Variants in TMEFF2 observed in about 807,000 individuals in gnomAD.
The protein encoded by TMEFF2 is transmembrane protein with EGF like and two follistatin like domains 2.
In TMEFF2, 28 loss-of-function variants were observed where a neutral mutation model predicts 53.8. The ratio of observed to expected loss-of-function variants is 0.52; its 90% CI spans 0.39 to 0.71. TMEFF2 has a LOEUF of 0.71. Ranked by LOEUF, TMEFF2 falls within the 30% of genes least tolerant of loss-of-function variation. TMEFF2 has a pLI of 0.00. For synonymous variants in TMEFF2, 162 were observed against 166.3 expected, an observed-to-expected ratio of 0.97 and a Z score of 0.20; for missense variants, 353 against 455.2, an observed-to-expected ratio of 0.78 and a Z score of 2.04.
At chr2:192,039,205 T>C (rs1004188560) in intron 5 of TMEFF2, among the ~76,000 whole-genome samples, 1 of 152,162 alleles carries the variant, frequency 6.6e-6, no homozygotes, top group African/African-American at 2.4e-5. Context: ...ACAAGTCCTA[T>C]TGTGAGGATT....
chr2:191,963,143 C>G (rs978414568), intron 7 of TMEFF2, among the ~76,000 whole-genome samples: 7 of 152,240 alleles, frequency 4.6e-5, no homozygotes, highest in Admixed American at 3.3e-4. Context: ...CAATTTGTTG[C>G]AGCTCTCCCC....
chr2:192,184,344 A>G lies in TMEFF2; in HGVS notation c.412+10T>C. 6.2e-7 allele frequency: 1 copy of G among 1,612,624 alleles called. No homozygotes were observed. Among genetic ancestry groups the G allele is most frequent in the African/African-American group, 1.3e-5 (1 of 74,932 alleles). On this transcript the variant is annotated intron_variant, in intron 3 of 9. Coordinates refer to ENST00000272771, the MANE Select transcript of TMEFF2 (RefSeq NM_016192.4). ...CATGCAGAAGGTTTCAAAGAAGATC[A>G]CACACATACCTGTGGCACATGATCC... is the stretch of plus-strand genomic sequence containing the variant.
intron 4 of TMEFF2, among the ~76,000 whole-genome samples, chr2:192,072,739 CG>C (rs747288168): frequency 2.0e-5 from 3 of 151,946 alleles, no homozygotes. Flanking sequence ...ACCATTCTTA[CG>C]GGATTATATG....
In TMEFF2 at chr2:192,037,269, AAAATAAAGAAAG is replaced by A. The variant is rs1278930224; in HGVS notation, c.536+20398_536+20409del. The A allele has an allele frequency of 7.5e-3, 542 of 72,582 alleles. 10 individuals are homozygous for A. Among genetic ancestry groups the A allele is most frequent in the African/African-American group, 0.025 (483 of 19,488 alleles). 4.5% of individuals were successfully genotyped at this position (72,582 alleles called of 1,614,324 possible). A position where few individuals can be genotyped will look rare whatever the true frequency, so the allele number is the denominator to read the frequency against. On this transcript the variant is annotated intron_variant, in intron 5 of 9. Coordinates refer to ENST00000272771, the MANE Select transcript of TMEFF2 (RefSeq NM_016192.4). ...GCAGAATGCACTTCTAAGACTAGCC[AAAATAAAGAAAG>A]AAAGAAAGAAAGAAAGAAAGAAAGA...
chr2:192,024,835 C>CTGGA (rs1686934633), intron 5 of TMEFF2, among the ~76,000 whole-genome samples: 1 of 152,172 alleles, frequency 6.6e-6, no homozygotes, highest in African/African-American at 2.4e-5. Flanking sequence ...TCAACATAGA[C>CTGGA]TGGACTATGA....
At chr2:192,127,955 G>A (rs1689718009) in intron 4 of TMEFF2, among the ~76,000 whole-genome samples, 1 of 152,152 alleles carries the variant, frequency 6.6e-6, no homozygotes, top group African/African-American at 2.4e-5. Context: ...TTTGAGATAT[G>A]TAGTTCTGGG....
At position 192,075,314 on chromosome 2, in the gene TMEFF2, T is replaced by TATATAAATATAAATATATATATATATAA. The variant is rs1688400441; in HGVS notation, c.440-17540_440-17539insTTATATATATATATATTTATATTTATAT. Among the ~76,000 whole-genome samples the TATATAAATATAAATATATATATATATAA allele has an allele frequency of 5.0e-5, 4 of 79,872 alleles. 1 individual carries two copies. The highest frequency in any genetic ancestry group is 1.8e-4 in the African/African-American group (4 of 22,128). The allele number at this position is 79,872 out of a possible 152,430, so 52.4% of individuals were successfully genotyped here. On this transcript the variant is annotated intron_variant, in intron 4 of 9. Coordinates refer to ENST00000272771, the MANE Select transcript of TMEFF2 (RefSeq NM_016192.4). The stretch of plus-strand genomic sequence containing the variant: ...ATATATATATATATATATATATATA[T>TATATAAATATAAATATATATATATATAA]ATATATATATATATATATACATACA...
At chr2:192,107,672 T>A (rs978231856) in intron 4 of TMEFF2, among the ~76,000 whole-genome samples, 2 of 151,772 alleles carry the variant, frequency 1.3e-5, no homozygotes, top group African/African-American at 4.8e-5. Flanking sequence ...TCACAAGATA[T>A]TCTTCCTATG....
intron 4 of TMEFF2, among the ~76,000 whole-genome samples, chr2:192,169,052 T>C (rs1690842271): frequency 1.3e-5 from 2 of 152,070 alleles, no homozygotes; most frequent in African/African-American, 4.8e-5. Context: ...ATTAATGCAT[T>C]GGTTCAGCTG....
rs564609223 is a variant in TMEFF2, at chr2:192,120,616, C to T, written c.439+59052G>A. 2.6e-5 allele frequency among the ~76,000 whole-genome samples: 4 copies of T among 152,280 alleles called. No individual in the cohort carries two copies. The South Asian group carries it at 6.2e-4, about 24-fold the overall frequency. On this transcript the variant is annotated intron_variant, in intron 4 of 9. Transcript: ENST00000272771. ...TTGGAAATTGATAACGCCAATAAAA[C>T]TCTCCTTTCTACCAATTTACCATCC...
chr2:192,169,308 G>A (rs1238255099), intron 4 of TMEFF2, among the ~76,000 whole-genome samples: 1 of 152,052 alleles, frequency 6.6e-6, no homozygotes, highest in Non-Finnish European at 1.5e-5. Flanking sequence ...ACATGGGAAG[G>A]GTTTTGGATA....
intron 5 of TMEFF2, chr2:192,021,870 C>T (rs1686868348): frequency 6.6e-6 from 1 of 152,190 alleles, no homozygotes; most frequent in Non-Finnish European, 1.5e-5. Context: ...GTCCTTAGCT[C>T]ATAGCTTAGT....
At chr2:192,193,795 G>C (rs1691529504) in intron 1 of TMEFF2, among the ~76,000 whole-genome samples, 1 of 129,180 alleles carries the variant, frequency 7.7e-6, no homozygotes, top group African/African-American at 2.8e-5. Context: ...GAGAGAGAGA[G>C]AGAGAGAGAG....
At chr2:192,097,085 T>C (rs1161895046) in intron 4 of TMEFF2, among the ~76,000 whole-genome samples, 3 of 152,226 alleles carry the variant, frequency 2.0e-5, no homozygotes, top group Admixed American at 6.5e-5. Flanking sequence ...ACAGCAGTTA[T>C]AGGTACACAC....
chr2:192,185,253 C>T (rs1164858563), intron 2 of TMEFF2, among the ~76,000 whole-genome samples: 1 of 151,946 alleles, frequency 6.6e-6, no homozygotes, highest in Non-Finnish European at 1.5e-5. Flanking sequence ...ATTAAGGCAA[C>T]CAACAGGGTA....
At chr2:191,961,942 T>C (rs936113768) in intron 7 of TMEFF2, among the ~76,000 whole-genome samples, 2 of 152,176 alleles carry the variant, frequency 1.3e-5, no homozygotes, top group Non-Finnish European at 2.9e-5. Flanking sequence ...TTTTTAAAGC[T>C]TCTGGGACAC....
At chr2:192,054,565 T>C (rs1687856120) in intron 5 of TMEFF2, among the ~76,000 whole-genome samples, 1 of 152,124 alleles carries the variant, frequency 6.6e-6, no homozygotes, top group Non-Finnish European at 1.5e-5. Flanking sequence ...TTTGCAAGAA[T>C]ACCAGGATTA....
At chr2:192,076,425 GAA>G (rs1688433953) in intron 4 of TMEFF2, among the ~76,000 whole-genome samples, 1 of 152,036 alleles carries the variant, frequency 6.6e-6, no homozygotes, top group South Asian at 2.1e-4. Flanking sequence ...TGCCATGAGA[GAA>G]TCGAAGTAAA....
chr2:192,125,104 T>A (rs139328039), intron 4 of TMEFF2, among the ~76,000 whole-genome samples: 6 of 152,174 alleles, frequency 3.9e-5, no homozygotes, highest in African/African-American at 1.4e-4. Flanking sequence ...ACAACAACAC[T>A]TGTATGAAAT....
Sources: gnomAD v4.1 joint callset for allele counts (sites outside exome capture counted in the v4.1 genomes callset) on GRCh38, gnomAD v4.1.1 for gene constraint, MANE v1.5 for transcripts, NCBI Gene and HGNC (gene_info 2026-07-23, HGNC 2026-07-21) for gene names.